The following SHISA5 variants were observed in gnomAD, a reference collection of about 807,000 sequenced individuals.
SHISA5 encodes the protein shisa family member 5.
A neutral mutation model predicts 27.5 loss-of-function variants in SHISA5; 21 were observed. The ratio of observed to expected loss-of-function variants is 0.76; its 90% CI spans 0.54 to 1.10. SHISA5 has a LOEUF of 1.10. SHISA5 is among the 50% of genes least tolerant of loss of function. SHISA5 has a pLI of 0.00. For synonymous variants in SHISA5, 137 were observed against 142.2 expected (o/e 0.96, Z 0.26); for missense variants, 314 against 336.3 (o/e 0.93, Z 0.52).
chr3:48,486,304 TTA>T (rs1401735887), intron 2 of SHISA5, among the ~76,000 whole-genome samples: 1 of 3,848 alleles, frequency 2.6e-4, no homozygotes, highest in Non-Finnish European at 4.2e-4. Context: ...ATATTATATA[TTA>T]TATAATATAT....
Position 48,468,426 on chromosome 3 carries a change from A to G in SHISA5, c.*681T>C, listed in dbSNP as rs1275895857. ...CTGGTCCCAGGGGAGATGCGGGGAC[A>G]GGGGACAGTCCAGGCAGACAGGTAC... is the stretch of plus-strand genomic sequence containing the variant. On this transcript the variant is annotated 3_prime_UTR_variant, in exon 6 of 6. Coordinates refer to ENST00000296444, the MANE Select transcript of SHISA5 (RefSeq NM_016479.6). 4.5e-6 allele frequency: 5 copies of G among 1,122,820 alleles called. No individual in the cohort carries two copies. Among genetic ancestry groups the G allele is most frequent in the East Asian group, 1.4e-4 (2 of 14,428 alleles). The allele number at this position is 1,122,820 out of a possible 1,614,324, so 69.6% of individuals were successfully genotyped here.
At position 48,501,267 on chromosome 3, in the gene SHISA5, G is replaced by T; in HGVS notation, c.103C>A (p.Arg35Ser). Residue 35 changes from arginine (R) to serine (S), a missense_variant, in exon 2 of 6, where the codon CGT (arginine) becomes AGT (serine). Coordinates refer to ENST00000296444, the MANE Select transcript of SHISA5 (RefSeq NM_016479.6). Reference sequence around the variant, plus strand: ...GACTCGGGGAAGAGGCTGAGTCCACGGGAAGCCATACACACCTCACCACGT... The same window carrying T: ...GACTCGGGGAAGAGGCTGAGTCCACTGGAAGCCATACACACCTCACCACGT... The part of the protein sequence containing the change: ...GARGEVCMAS[R>S]GLSLFPESCP... 1 of 1,614,064 alleles carries T rather than the reference G, an allele frequency of 6.2e-7. No individual in the cohort carries two copies. Among genetic ancestry groups the T allele is most frequent in the Non-Finnish European group, 8.5e-7 (1 of 1,179,978 alleles).
In SHISA5 at chr3:48,495,509, A is replaced by G. The variant is rs1361584045; in HGVS notation, c.233+5628T>C. Among the ~76,000 whole-genome samples, 4 of 145,790 alleles carry G rather than the reference A, an allele frequency of 2.7e-5. 1 individual carries two copies. The highest frequency in any genetic ancestry group is 1.1e-4 in the African/African-American group (4 of 36,248). ...GTGAGAGAATAGAAGAAGCACTCTG[A>G]GTTTTTTTTTCCACTTTTTTCGGGG... On this transcript the variant is annotated intron_variant, in intron 2 of 5. Transcript: ENST00000296444.
At chr3:48,500,987 C>T in intron 2 of SHISA5, 150 bp downstream of exon 2, 6 of 880,046 alleles carry the variant, frequency 6.8e-6, no homozygotes, top group Non-Finnish European at 1.0e-5. Context: ...CAGCCCAGAA[C>T]AGGGGATCCC....
intron 2 of SHISA5, among the ~76,000 whole-genome samples, chr3:48,484,510 T>G (rs1175103332): frequency 6.7e-6 from 1 of 148,560 alleles, no homozygotes; most frequent in Non-Finnish European, 1.5e-5. Context: ...ACAGGAGAAT[T>G]GCTTGAACCC....
intron 2 of SHISA5, among the ~76,000 whole-genome samples, chr3:48,488,188 T>G (rs2041306902): frequency 1.3e-5 from 2 of 151,076 alleles, no homozygotes; most frequent in African/African-American, 4.9e-5. Flanking sequence ...GAGGAAAACT[T>G]GAAATATATG....
intron 2 of SHISA5, among the ~76,000 whole-genome samples, chr3:48,488,388 C>T (rs577968638): frequency 6.6e-5 from 10 of 151,106 alleles, no homozygotes; most frequent in South Asian, 2.1e-4. Flanking sequence ...CCACCATGCC[C>T]GGCTAACTTT....
At chr3:48,479,292 A>G in intron 2 of SHISA5, 35 bp from the exon 3 acceptor site, 3 of 1,569,752 alleles carry the variant, frequency 1.9e-6, no homozygotes, top group Non-Finnish European at 2.6e-6. Context: ...AGCACAATGA[A>G]GCCCCACCGA....
chr3:48,488,001 A>G (rs185844575), intron 2 of SHISA5, among the ~76,000 whole-genome samples: 222 of 152,346 alleles, frequency 1.5e-3, no homozygotes, highest in African/African-American at 5.1e-3. Flanking sequence ...ATAAACAATT[A>G]TACCCTAATA....
Position 48,473,021 on chromosome 3 carries a change from C to G in SHISA5, c.315-3178G>C. The stretch of plus-strand genomic sequence containing the variant: ...GCGCCCAAGCTCACCCCATGTTAGC[C>G]TCTGCCTTCACCCAGAGGCCTCCTG... On this transcript the variant is annotated intron_variant, in intron 3 of 5. Coordinates refer to ENST00000296444, the MANE Select transcript of SHISA5 (RefSeq NM_016479.6). This position sits in a 1 kb window ranked among gnomAD's most constrained non-coding sequence, Gnocchi z 4.3. 1.3e-6 allele frequency: 2 copies of G among 1,536,134 alleles called. No homozygotes were observed. Among genetic ancestry groups the G allele is most frequent in the Non-Finnish European group, 1.7e-6 (2 of 1,146,888 alleles).
intron 2 of SHISA5, among the ~76,000 whole-genome samples, chr3:48,489,898 G>A (rs1321850191): frequency 1.3e-5 from 2 of 152,134 alleles, no homozygotes; most frequent in East Asian, 3.9e-4. Context: ...TCAAAGTACT[G>A]GGATTAAAGG....
In SHISA5 at chr3:48,469,117, G is replaced by C; in HGVS notation, c.713C>G (p.Ala238Gly). 1 of 1,612,972 alleles carries C rather than the reference G, an allele frequency of 6.2e-7. No individual in the cohort carries two copies. The highest frequency in any genetic ancestry group is 1.3e-5 in the African/African-American group (1 of 75,028). Residue 238 changes from alanine to glycine, a missense_variant, in exon 6 of 6, where the codon GCG becomes GGG. By Grantham distance (60) the Ala-to-Gly change is moderately conservative. Transcript: ENST00000296444. The surrounding 1 kb of genome is among the most constrained non-coding windows in gnomAD (Gnocchi z 4.6). ...GAGGCCAGGGAATGCTCAGAGGGCC[G>C]CCTTCGGGGCATCCATGTAGGCCGG... Reference protein sequence around the residue: ...YNPAYMDAPKAAL With the variant: ...YNPAYMDAPKGAL
At chr3:48,496,740 A>T (rs897999981) in intron 2 of SHISA5, among the ~76,000 whole-genome samples, 2 of 152,048 alleles carry the variant, frequency 1.3e-5, no homozygotes, top group Non-Finnish European at 2.9e-5. Flanking sequence ...TCTCAAAAAA[A>T]AAAAGAAAAG....
At chr3:48,497,898 AAG>A (rs1553558953) in intron 2 of SHISA5, among the ~76,000 whole-genome samples, 9 of 151,750 alleles carry the variant, frequency 5.9e-5, no homozygotes, top group African/African-American at 2.2e-4. Flanking sequence ...AAAAAAAAAA[AAG>A]AAGAGAGAGA....
At chr3:48,491,798 C>A (rs72925253) in intron 2 of SHISA5, among the ~76,000 whole-genome samples, 5,748 of 151,894 alleles carry the variant, frequency 0.038, 370 homozygotes, top group African/African-American at 0.13. Context: ...CAGACGCGCA[C>A]CATCATGCCT....
chr3:48,485,357 T>C (rs2041168451), intron 2 of SHISA5, among the ~76,000 whole-genome samples: 1 of 150,932 alleles, frequency 6.6e-6, no homozygotes, highest in Non-Finnish European at 1.5e-5. Context: ...TAGCCAAGCG[T>C]GGTGGTGCAT....
At chr3:48,487,810 C>T (rs1250071743) in intron 2 of SHISA5, among the ~76,000 whole-genome samples, 2 of 152,116 alleles carry the variant, frequency 1.3e-5, no homozygotes, top group Admixed American at 6.6e-5. Context: ...GTAGGAGAAT[C>T]GCTTGAACCT....
chr3:48,474,101 T>A (rs935132900), intron 3 of SHISA5, among the ~76,000 whole-genome samples: 11 of 151,828 alleles, frequency 7.2e-5, no homozygotes, highest in South Asian at 2.1e-4. Flanking sequence ...TATTATTATT[T>A]TTTTGAGGCA....
chr3:48,486,517 AAT>A (rs888406086), intron 2 of SHISA5, among the ~76,000 whole-genome samples: 20 of 117,420 alleles, frequency 1.7e-4, no homozygotes, highest in African/African-American at 3.7e-4. Context: ...TATAATATAC[AAT>A]ATATATAATA....
Sources: allele counts gnomAD v4.1 joint callset (sites outside exome capture counted in the v4.1 genomes callset), GRCh38; gene constraint gnomAD v4.1.1; non-coding constraint Gnocchi (gnomAD v3.1); transcripts MANE v1.5; gene names NCBI Gene and HGNC (gene_info 2026-07-23, HGNC 2026-07-21).